Variants in USP34 observed in about 807,000 individuals in gnomAD.
USP34 encodes ubiquitin specific peptidase 34.
A neutral mutation model predicts 460.3 loss-of-function variants in USP34; 70 were observed. That is an observed-to-expected ratio of 0.15 (90% confidence interval 0.13 to 0.19). The LOEUF is 0.19. Ranked by LOEUF, USP34 falls within the 10% of genes least tolerant of loss-of-function variation. The pLI is 1.00. For synonymous variants in USP34, 1,647 were observed against 1,405.3 expected, an observed-to-expected ratio of 1.17 and a Z score of -3.85; for missense variants, 3,985 against 4,236.2, an observed-to-expected ratio of 0.94 and a Z score of 1.65.
chr2:61,257,239 G>C lies in USP34; in HGVS notation c.5956C>G (p.Leu1986Val), dbSNP rs1311959137. ...QKDMTEFFTD[L>V]ITKIEEMSPE... ...GACATTTCTTCGATTTTGGTAATTA[G>C]ATCAGTAAAAAACTCTGTCATATCT... Residue 1986 changes from leucine (L) to valine (V), a missense_variant, in exon 45 of 80, where the codon CTA becomes GTA. Around this residue, in one of 14 missense-constraint regions of USP34, gnomAD observed 145 missense variants for 291.6 expected, o/e 0.50. Transcript: ENST00000398571. 2 of 1,611,022 alleles carry C rather than the reference G, an allele frequency of 1.2e-6. No homozygotes were observed. Among genetic ancestry groups the C allele is most frequent in the South Asian group, 2.2e-5 (2 of 90,292 alleles).
In USP34 at chr2:61,261,440, G is replaced by A. The variant is rs183995969; in HGVS notation, c.5779-1664C>T. Among the ~76,000 whole-genome samples, 416 of 152,228 alleles carry A rather than the reference G, an allele frequency of 2.7e-3. 1 individual carries two copies. Among genetic ancestry groups the A allele is most frequent in the African/African-American group, 9.3e-3 (387 of 41,534 alleles). ...GACAAATCTGACTCCACTTATATGA[G>A]GTACCTGAAACAGTTGAATGCATAG... On this transcript the variant is annotated intron_variant, in intron 43 of 79. Transcript: ENST00000398571.
intron 48 of USP34, among the ~76,000 whole-genome samples, chr2:61,253,241 G>GA (rs1166547053): frequency 6.6e-6 from 1 of 152,146 alleles, no homozygotes; most frequent in Non-Finnish European, 1.5e-5. Flanking sequence ...AAAAACAGCA[G>GA]AATCTTATCA....
intron 33 of USP34, among the ~76,000 whole-genome samples, chr2:61,292,961 T>A (rs1424558461): frequency 6.6e-6 from 1 of 152,122 alleles, no homozygotes; most frequent in East Asian, 1.9e-4. Flanking sequence ...TTGTAAAGTA[T>A]TATAAAATAC....
chr2:61,305,094 G>A (rs910644179), intron 27 of USP34, among the ~76,000 whole-genome samples: 2 of 152,178 alleles, frequency 1.3e-5, no homozygotes, highest in African/African-American at 4.8e-5. Context: ...GGGAGGCCGA[G>A]GTGGGCCGAT....
chr2:61,471,002 G>A lies in USP34; in HGVS notation c.-310C>T, dbSNP rs1215331192. Among the ~76,000 whole-genome samples the A allele has an allele frequency of 1.3e-5, 2 of 149,700 alleles. No individual in the cohort carries two copies. The highest frequency in any genetic ancestry group is 2.4e-5 in the African/African-American group (1 of 40,976). ...GGAGAGGGGGGGAGGGGGCGGGTGG[G>A]GAGAGAAGCAGCAGAGTCACTTCAC... is the stretch of plus-strand genomic sequence containing the variant. On this transcript the variant is annotated 5_prime_UTR_variant, in exon 1 of 80. Transcript: ENST00000398571.
At chr2:61,224,969 T>C (rs1415710442) in intron 62 of USP34, among the ~76,000 whole-genome samples, 3 of 152,204 alleles carry the variant, frequency 2.0e-5, no homozygotes, top group Non-Finnish European at 2.9e-5. Context: ...ACTAGTCGTT[T>C]TTCCAAGGAA....
chr2:61,405,791 G>C lies in USP34; in HGVS notation c.469C>G (p.Leu157Val). 6.2e-7 allele frequency: 1 copy of C among 1,609,480 alleles called. No homozygotes were observed. Residue 157 changes from leucine to valine, a missense_variant, in exon 3 of 80, where the codon CTC becomes GTC. Leu to Val is a conservative substitution (Grantham distance 32). Coordinates refer to ENST00000398571, the MANE Select transcript of USP34 (RefSeq NM_014709.4). ...AAAATTTTTGCCACACATAGTAAGA[G>C]TTTTTCCTTCTCATCTGTACTCCAT... The part of the protein sequence containing the change: ...SLWSTDEKEK[L>V]LLCVAKIFQI...
At chr2:61,202,008 C>T (rs1686990657) in intron 75 of USP34, among the ~76,000 whole-genome samples, 1 of 152,298 alleles carries the variant, frequency 6.6e-6, no homozygotes, top group African/African-American at 2.4e-5. Flanking sequence ...CATCCCCCTA[C>T]ATCTTGGCAT....
chr2:61,302,136 A>G (rs1180390168), intron 27 of USP34, among the ~76,000 whole-genome samples: 4 of 152,014 alleles, frequency 2.6e-5, no homozygotes, highest in Admixed American at 6.6e-5. Context: ...CTTTTTCGGG[A>G]AAAAAAATGA....
At chr2:61,262,959 C>T (rs548259044) in intron 43 of USP34, among the ~76,000 whole-genome samples, 32 of 151,844 alleles carry the variant, frequency 2.1e-4, no homozygotes, top group African/African-American at 7.2e-4. Context: ...TTTTCATATG[C>T]TTATTGGCCG....
At chr2:61,418,379 C>T (rs767511525) in intron 2 of USP34, among the ~76,000 whole-genome samples, 2 of 152,194 alleles carry the variant, frequency 1.3e-5, no homozygotes, top group African/African-American at 4.8e-5. Context: ...CACGCTTGGC[C>T]TACCATACTA....
In USP34 at chr2:61,278,398, A is replaced by C. The variant is rs748182502; in HGVS notation, c.5302T>G (p.Cys1768Gly). Residue 1768 changes from cysteine to glycine, a missense_variant, in exon 40 of 80, where the codon TGT becomes GGT. Physicochemically the swap from Cys to Gly is radical, Grantham distance 159. Around this residue, in one of 14 missense-constraint regions of USP34, gnomAD observed 1,114 missense variants for 1,122.5 expected, o/e 0.99. Transcript: ENST00000398571. The part of the protein sequence containing the change: ...LDALARHLAD[C>G]IRSREILDHQ... Reference sequence around the variant, plus strand: ...CACATCAAATTTTACCTTCGAATACAGTCAGCCAAATGTCTTGCCAAGGCA... The same window carrying C: ...CACATCAAATTTTACCTTCGAATACCGTCAGCCAAATGTCTTGCCAAGGCA... 1.2e-6 allele frequency: 2 copies of C among 1,606,792 alleles called. No homozygotes were observed. The highest frequency in any genetic ancestry group is 3.4e-5 in the Admixed American group (2 of 58,442).
At position 61,187,491 on chromosome 2, in the gene USP34, A is replaced by C; in HGVS notation, c.*611T>G. 1 of 963,064 alleles carries C rather than the reference A, an allele frequency of 1.0e-6. No homozygotes were observed. Among genetic ancestry groups the C allele is most frequent in the Non-Finnish European group, 1.2e-6 (1 of 823,216 alleles). The allele number at this position is 963,064 out of a possible 1,614,324, so 59.7% of individuals were successfully genotyped here. On this transcript the variant is annotated 3_prime_UTR_variant, in exon 80 of 80. Coordinates refer to ENST00000398571, the MANE Select transcript of USP34 (RefSeq NM_014709.4). ...AAAGTCATCACAATCAGTTTAATTA[A>C]GTGCACAGAATAGCAATCAATCAAT...
chr2:61,267,789 G>A (rs923426850), intron 41 of USP34, among the ~76,000 whole-genome samples: 5 of 152,116 alleles, frequency 3.3e-5, no homozygotes, highest in Middle Eastern at 3.4e-3. Context: ...TTAATTTTTT[G>A]TATTTTTTAG....
chr2:61,453,878 T>A (rs1401127344), intron 1 of USP34, among the ~76,000 whole-genome samples: 1 of 151,900 alleles, frequency 6.6e-6, no homozygotes, highest in Non-Finnish European at 1.5e-5. Flanking sequence ...AGACTAAAAG[T>A]AGGCTGCCAT....
intron 71 of USP34, among the ~76,000 whole-genome samples, chr2:61,206,389 G>C (rs567805177): frequency 6.6e-6 from 1 of 152,268 alleles, no homozygotes; most frequent in African/African-American, 2.4e-5. Flanking sequence ...ATCTTATAGG[G>C]ACATAAGACA....
chr2:61,333,539 T>C (rs1313285435), intron 19 of USP34, among the ~76,000 whole-genome samples: 1 of 152,060 alleles, frequency 6.6e-6, no homozygotes, highest in African/African-American at 2.4e-5. Context: ...AGCCAATTCC[T>C]AGAAATGGGA....
intron 5 of USP34, among the ~76,000 whole-genome samples, chr2:61,384,975 A>C (rs1693091288): frequency 6.6e-6 from 1 of 152,174 alleles, no homozygotes; most frequent in Admixed American, 6.5e-5. Context: ...CAAAATAATT[A>C]TCAGATAAAC....
chr2:61,280,180 T>C, intron 39 of USP34, 64 bp downstream of exon 39: 5 of 948,834 alleles, frequency 5.3e-6, no homozygotes, highest in Non-Finnish European at 7.7e-6. Context: ...GTCATGAACA[T>C]ATGTCATAAT....
Sources: allele counts gnomAD v4.1 joint callset (sites outside exome capture counted in the v4.1 genomes callset), GRCh38; gene constraint gnomAD v4.1.1; regional missense constraint gnomAD v4.1.1; transcripts MANE v1.5; gene names NCBI Gene and HGNC (gene_info 2026-07-23, HGNC 2026-07-21).